PHF20: variants seen among roughly 807,000 people sequenced by gnomAD.
PHF20 encodes glioma-expressed antigen 2.
Under a neutral mutation model 113.5 loss-of-function variants are expected in PHF20, and 23 were observed. The observed-to-expected ratio is 0.20, with a 90% confidence interval of 0.15 to 0.29. The LOEUF is 0.29. Ranked by LOEUF, PHF20 falls within the 10% of genes least tolerant of loss-of-function variation. The pLI is 1.00. For missense variants in PHF20, 943 were observed against 1,219.6 expected (o/e 0.77, Z 3.38); for synonymous variants, 434 against 457.3 (o/e 0.95, Z 0.65).
chr20:35,944,126 A>G (rs377680500), intron 17 of PHF20, among the ~76,000 whole-genome samples: 3 of 152,144 alleles, frequency 2.0e-5, no homozygotes, highest in South Asian at 4.1e-4. Context: ...GCTAGTTGGA[A>G]GCTGTTCTGC....
intron 2 of PHF20, among the ~76,000 whole-genome samples, chr20:35,816,398 G>A (rs1279905479): frequency 1.3e-5 from 2 of 151,744 alleles, no homozygotes; most frequent in African/African-American, 4.8e-5. Flanking sequence ...TTTGAAAAAT[G>A]TATATCTTAC....
intron 17 of PHF20, among the ~76,000 whole-genome samples, chr20:35,946,785 C>T (rs1045757104): frequency 1.5e-4 from 23 of 151,934 alleles, no homozygotes; most frequent in African/African-American, 5.1e-4. Context: ...TCTCGGCTCA[C>T]TGCGACCTCC....
At chr20:35,883,379 G>A (rs889752140) in intron 9 of PHF20, among the ~76,000 whole-genome samples, 7 of 152,154 alleles carry the variant, frequency 4.6e-5, no homozygotes, top group Non-Finnish European at 1.0e-4. Context: ...TGGCATGAAG[G>A]AGTGAGTTAG....
At chr20:35,855,213 G>A in intron 4 of PHF20, 2 of 1,291,770 alleles carry the variant, frequency 1.5e-6, no homozygotes, top group Non-Finnish European at 2.0e-6. Context: ...GAATTCCATA[G>A]CATTGTTTAT....
At chr20:35,913,975 C>G in intron 11 of PHF20, 58 bp from the exon 12 acceptor site, 2 of 1,528,656 alleles carry the variant, frequency 1.3e-6, no homozygotes, top group Non-Finnish European at 9.0e-7. Context: ...GAGATTGATT[C>G]TAGAATGCAC....
chr20:35,853,227 A>G (rs1056435401), intron 4 of PHF20: 1 of 151,360 alleles, frequency 6.6e-6, no homozygotes, highest in Non-Finnish European at 1.5e-5. Context: ...TCTCAAAAAA[A>G]AAAAAAAAAG....
chr20:35,928,493 T>C (rs997668779), intron 14 of PHF20: 1 of 151,198 alleles, frequency 6.6e-6, no homozygotes, highest in African/African-American at 2.4e-5. Flanking sequence ...CAATACAGTA[T>C]TGTTGTTAAT....
At chr20:35,937,720 G>A (rs2055892579) in intron 15 of PHF20, among the ~76,000 whole-genome samples, 1 of 152,310 alleles carries the variant, frequency 6.6e-6, no homozygotes. Flanking sequence ...AGCTTCCAGG[G>A]CTAGTTCAAA....
chr20:35,934,017 G>T (rs987914446), intron 15 of PHF20, among the ~76,000 whole-genome samples: 4 of 152,188 alleles, frequency 2.6e-5, no homozygotes, highest in Non-Finnish European at 5.9e-5. Context: ...CTTTCTTTTG[G>T]TTTTAGTATA....
At position 35,914,023 on chromosome 20, in the gene PHF20, G is replaced by T; in HGVS notation, c.1661-10G>T. 6.2e-7 allele frequency: 1 copy of T among 1,613,916 alleles called. No individual in the cohort carries two copies. The highest frequency in any genetic ancestry group is 1.1e-5 in the South Asian group (1 of 91,074). ...GGGTTATTCATTCCTTCCTGATCCTGTTCTTCCAGAATGCCCCTGCAGTGA... is the reference window on the plus strand; with the variant it reads ...GGGTTATTCATTCCTTCCTGATCCTTTTCTTCCAGAATGCCCCTGCAGTGA... On this transcript the variant is annotated splice_polypyrimidine_tract_variant and intron_variant, in intron 11 of 17. Coordinates refer to ENST00000374012, the MANE Select transcript of PHF20 (RefSeq NM_016436.5).
chr20:35,903,366 T>G (rs1226098972), intron 10 of PHF20, among the ~76,000 whole-genome samples: 1 of 152,198 alleles, frequency 6.6e-6, no homozygotes, highest in African/African-American at 2.4e-5. Flanking sequence ...AAAGGTTTTT[T>G]AAGTCCTTAT....
At chr20:35,791,782 T>C (rs2041560836) in intron 1 of PHF20, among the ~76,000 whole-genome samples, 2 of 151,852 alleles carry the variant, frequency 1.3e-5, no homozygotes, top group South Asian at 4.1e-4. Flanking sequence ...AAGCAGGTCC[T>C]ACAAAATGTT....
chr20:35,926,531 G>A (rs1465601505), intron 13 of PHF20, among the ~76,000 whole-genome samples: 2 of 151,992 alleles, frequency 1.3e-5, no homozygotes, highest in Non-Finnish European at 2.9e-5. Flanking sequence ...GAGCCACCGC[G>A]CCCGGCCGAC....
At chr20:35,833,190 C>G (rs1274417740) in intron 2 of PHF20, among the ~76,000 whole-genome samples, 1 of 151,782 alleles carries the variant, frequency 6.6e-6, no homozygotes, top group African/African-American at 2.4e-5. Flanking sequence ...TCTGTTCATT[C>G]TCCTTGTCCT....
Position 35,889,081 on chromosome 20 carries a change from A to G in PHF20, c.1283-10289A>G, listed in dbSNP as rs551125006. Among the ~76,000 whole-genome samples, 6 of 147,510 alleles carry G rather than the reference A, an allele frequency of 4.1e-5. 1 individual carries two copies. The South Asian group carries it at 1.1e-3, about 26-fold the overall frequency. On this transcript the variant is annotated intron_variant, in intron 9 of 17. Coordinates refer to ENST00000374012, the MANE Select transcript of PHF20 (RefSeq NM_016436.5). ...ACCTAGGCTGGAGTGCACTGGCACA[A>G]TCTTGGCTTACTGCACCCTCTGCCT...
At chr20:35,871,878 T>A in intron 9 of PHF20, 49 bp downstream of exon 9, 1 of 1,409,636 alleles carries the variant, frequency 7.1e-7, no homozygotes, top group Non-Finnish European at 9.6e-7. Flanking sequence ...CACTTTTGCT[T>A]ATGCTTTGTG....
chr20:35,842,895 TG>T (rs1335654301), intron 3 of PHF20, 151 bp downstream of exon 3: 2 of 654,178 alleles, frequency 3.1e-6, no homozygotes, highest in Non-Finnish European at 5.2e-6. Flanking sequence ...CTGGGGCTCT[TG>T]AAGAATCCCA....
chr20:35,935,521 C>T (rs546193270), intron 15 of PHF20, among the ~76,000 whole-genome samples: 2 of 152,300 alleles, frequency 1.3e-5, no homozygotes, highest in African/African-American at 2.4e-5. Context: ...CATGTACCAC[C>T]GCACCTGGCT....
At chr20:35,878,505 A>G in intron 9 of PHF20, 1 of 603,342 alleles carries the variant, frequency 1.7e-6, no homozygotes, top group Non-Finnish European at 3.0e-6. Context: ...GATGAAGATC[A>G]GGGATCCAAA....
Sources: gnomAD v4.1 joint callset for allele counts (sites outside exome capture counted in the v4.1 genomes callset) on GRCh38, gnomAD v4.1.1 for gene constraint, MANE v1.5 for transcripts, NCBI Gene and HGNC (gene_info 2026-07-23, HGNC 2026-07-21) for gene names.